The following RNASE4 variants were observed in gnomAD, a reference collection of about 807,000 sequenced individuals.
RNASE4 encodes the protein ribonuclease A family member 4.
For synonymous variants in RNASE4, 93 were observed against 71.4 expected, an observed-to-expected ratio of 1.30 and a Z score of -1.52; for missense variants, 194 against 192.8, an observed-to-expected ratio of 1.01 and a Z score of -0.04.
intron 1 of RNASE4, among the ~76,000 whole-genome samples, chr14:20,687,661 A>T (rs1475874786): frequency 6.6e-6 from 1 of 152,214 alleles, no homozygotes; most frequent in Non-Finnish European, 1.5e-5. Flanking sequence ...TGAGCAGAGC[A>T]TATTTACATA....
chr14:20,701,143 C>T lies in RNASE4; in HGVS notation c.*1328C>T, dbSNP rs1286566507. On this transcript the variant is annotated 3_prime_UTR_variant, in exon 2 of 2. Transcript: ENST00000555835. ...CCTATAAAACTGCCCCACCCCATCT[C>T]CCTTTGCTGACTCCTTTTTTGGACT... 2 of 152,254 alleles carry T rather than the reference C, an allele frequency of 1.3e-5. No individual in the cohort carries two copies. Among genetic ancestry groups the T allele is most frequent in the Non-Finnish European group, 2.9e-5 (2 of 68,084 alleles). 9.4% of individuals were successfully genotyped at this position (152,254 alleles called of 1,614,324 possible).
At chr14:20,697,232 G>T (rs769448165) in intron 1 of RNASE4, among the ~76,000 whole-genome samples, 2 of 152,202 alleles carry the variant, frequency 1.3e-5, no homozygotes, top group Non-Finnish European at 2.9e-5. Context: ...TGGTCACAAA[G>T]AATCAGGATG....
At position 20,686,211 on chromosome 14, in the gene RNASE4, C is replaced by T. The variant is rs186381273; in HGVS notation, c.-18+1453C>T. Reference sequence around the variant, plus strand: ...CCCTCCCACTCTTGTTCTATGACTCCATGGAGTGGTACGATGTTAGTAACA... The same window carrying T: ...CCCTCCCACTCTTGTTCTATGACTCTATGGAGTGGTACGATGTTAGTAACA... On this transcript the variant is annotated intron_variant, in intron 1 of 1. Coordinates refer to ENST00000555835, the MANE Select transcript of RNASE4 (RefSeq NM_002937.5). Among the ~76,000 whole-genome samples, 5 of 152,168 alleles carry T rather than the reference C, an allele frequency of 3.3e-5. No homozygotes were observed. The East Asian group carries it at 9.7e-4, about 29-fold the overall frequency.
At chr14:20,698,791 T>C (rs1344954363) in intron 1 of RNASE4, 1 of 152,188 alleles carries the variant, frequency 6.6e-6, no homozygotes, top group Admixed American at 6.5e-5. Flanking sequence ...ATAAAATTAA[T>C]GACAAAGAAA....
chr14:20,686,432 G>A (rs1459312704), intron 1 of RNASE4, among the ~76,000 whole-genome samples: 1 of 152,156 alleles, frequency 6.6e-6, no homozygotes, highest in Non-Finnish European at 1.5e-5. Flanking sequence ...AAAGTAGCTG[G>A]ATAAAAAAGT....
chr14:20,688,180 C>T (rs543038269), intron 1 of RNASE4, among the ~76,000 whole-genome samples: 69 of 152,238 alleles, frequency 4.5e-4, no homozygotes, highest in African/African-American at 1.6e-3. Flanking sequence ...ACATGGCAAG[C>T]CTGCTTCTGG....
intron 1 of RNASE4, among the ~76,000 whole-genome samples, chr14:20,685,124 G>A (rs909484651): frequency 6.6e-6 from 1 of 152,156 alleles, no homozygotes; most frequent in African/African-American, 2.4e-5. Context: ...TTTTGAAGCA[G>A]GCCTTAGTTT....
rs1887274860 is a variant in RNASE4 at position 20,701,050 on chromosome 14, G to T, written c.*1235G>T. The T allele has an allele frequency of 6.6e-6, 1 of 152,078 alleles. No individual in the cohort carries two copies. Among genetic ancestry groups the T allele is most frequent in the Non-Finnish European group, 1.5e-5 (1 of 68,028 alleles). 9.4% of individuals were successfully genotyped at this position (152,078 alleles called of 1,614,324 possible). ...CAGGAGCTCCCCACCAGAGCACCTTGTGACCCCCGCCCCTGCCCGCTAGAG... is the reference window on the plus strand; with the variant it reads ...CAGGAGCTCCCCACCAGAGCACCTTTTGACCCCCGCCCCTGCCCGCTAGAG... On this transcript the variant is annotated 3_prime_UTR_variant, in exon 2 of 2. Coordinates refer to ENST00000555835, the MANE Select transcript of RNASE4 (RefSeq NM_002937.5).
chr14:20,688,596 T>C (rs904097334), intron 1 of RNASE4: 15 of 772,518 alleles, frequency 1.9e-5, no homozygotes, highest in Non-Finnish European at 2.2e-5. Flanking sequence ...AAACTTTGTC[T>C]TCCAGAACAA....
chr14:20,689,986 C>T (rs1886638744), intron 1 of RNASE4, among the ~76,000 whole-genome samples: 1 of 147,116 alleles, frequency 6.8e-6, no homozygotes, highest in Non-Finnish European at 1.5e-5. Flanking sequence ...GAGGCCGAGG[C>T]GGGTGGATCA....
intron 1 of RNASE4, among the ~76,000 whole-genome samples, chr14:20,691,185 T>A (rs923432760): frequency 6.6e-6 from 1 of 152,182 alleles, no homozygotes; most frequent in Non-Finnish European, 1.5e-5. Context: ...AGAGAAGACA[T>A]TAGTAACATT....
At position 20,700,001 on chromosome 14, in the gene RNASE4, A is replaced by C; in HGVS notation, c.*186A>C. ...GATATGGAGACATAAACCTGTAATGAATGAGGCTGGGCTTTTCTGTAATAA... is the reference window on the plus strand; with the variant it reads ...GATATGGAGACATAAACCTGTAATGCATGAGGCTGGGCTTTTCTGTAATAA... On this transcript the variant is annotated 3_prime_UTR_variant, in exon 2 of 2. Coordinates refer to ENST00000555835, the MANE Select transcript of RNASE4 (RefSeq NM_002937.5). 1 of 612,864 alleles carries C rather than the reference A, an allele frequency of 1.6e-6. No homozygotes were observed. The highest frequency in any genetic ancestry group is 2.9e-6 in the Non-Finnish European group (1 of 342,182). 38.0% of individuals were successfully genotyped at this position (612,864 alleles called of 1,614,324 possible). A position where few individuals can be genotyped will look rare whatever the true frequency, so the allele number is the denominator to read the frequency against.
In RNASE4 at chr14:20,698,083, G is replaced by A. The variant is rs140764840; in HGVS notation, c.-17-1272G>A. On this transcript the variant is annotated intron_variant, in intron 1 of 1. Transcript: ENST00000555835. ...GTAGATAGTGGAAAGAGCACAGGGTGTAGACTAAGATAGGCCTGGATTCCT... is the reference window on the plus strand; with the variant it reads ...GTAGATAGTGGAAAGAGCACAGGGTATAGACTAAGATAGGCCTGGATTCCT... 1.6e-3 allele frequency among the ~76,000 whole-genome samples: 247 copies of A among 152,310 alleles called. 1 individual carries two copies. Among genetic ancestry groups the A allele is most frequent in the African/African-American group, 5.6e-3 (233 of 41,564 alleles).
intron 1 of RNASE4, among the ~76,000 whole-genome samples, chr14:20,697,370 G>A (rs1566604811): frequency 6.6e-6 from 1 of 152,034 alleles, no homozygotes; most frequent in African/African-American, 2.4e-5. Context: ...TTGTTCTTGG[G>A]GCAAAAAGGA....
intron 1 of RNASE4, among the ~76,000 whole-genome samples, chr14:20,694,867 TAC>T (rs10625796): frequency 1.5e-4 from 23 of 151,192 alleles, no homozygotes; most frequent in Admixed American, 7.2e-4. Flanking sequence ...CTCTCACTCT[TAC>T]ACACACACAC....
chr14:20,698,794 CAAAG>C (rs1295153646), intron 1 of RNASE4: 4 of 152,018 alleles, frequency 2.6e-5, no homozygotes, highest in African/African-American at 9.7e-5. Context: ...AAATTAATGA[CAAAG>C]AAAAACAATA....
Position 20,688,955 on chromosome 14 carries a change from G to T in RNASE4, c.-18+4197G>T, listed in dbSNP as rs1027458875. ...ATGAAACCATTTTCCTCCCTTTAAA[G>T]CCTCCAGGCTCAAGCTCATGAATTA... On this transcript the variant is annotated intron_variant, in intron 1 of 1. Transcript: ENST00000555835. 8.7e-6 allele frequency: 6 copies of T among 691,870 alleles called. No individual in the cohort carries two copies. In the African/African-American group the frequency reaches 1.2e-4, roughly 13 times the overall value. The allele number at this position is 691,870 out of a possible 1,614,324, so 42.9% of individuals were successfully genotyped here.
chr14:20,690,896 C>T (rs1394692497), intron 1 of RNASE4, among the ~76,000 whole-genome samples: 2 of 152,188 alleles, frequency 1.3e-5, no homozygotes, highest in Non-Finnish European at 2.9e-5. Context: ...ATTGTTCATC[C>T]ACGATCACGT....
intron 1 of RNASE4, among the ~76,000 whole-genome samples, chr14:20,690,193 G>A (rs1269735188): frequency 7.4e-6 from 1 of 135,416 alleles, no homozygotes; most frequent in East Asian, 2.1e-4. Context: ...CCGCAGTCCG[G>A]CCTGGGCGAC....
Sources: allele counts gnomAD v4.1 joint callset (sites outside exome capture counted in the v4.1 genomes callset), GRCh38; gene constraint gnomAD v4.1.1; transcripts MANE v1.5; gene names NCBI Gene and HGNC (gene_info 2026-07-23, HGNC 2026-07-21).